The following SMYD3 variants were observed in gnomAD, a reference collection of about 807,000 sequenced individuals.
The protein encoded by SMYD3 is histone-lysine N-methyltransferase SMYD3.
In SMYD3, 36 loss-of-function variants were observed where a neutral mutation model predicts 57.7. The observed-to-expected ratio is 0.62, with a 90% confidence interval of 0.48 to 0.82. The LOEUF is 0.82. SMYD3 is among the 40% of genes least tolerant of loss of function. SMYD3 has a pLI of 0.00. For synonymous variants in SMYD3, 211 were observed against 195.0 expected, an observed-to-expected ratio of 1.08 and a Z score of -0.68; for missense variants, 515 against 538.8, an observed-to-expected ratio of 0.96 and a Z score of 0.44.
At chr1:245,987,538 T>C (rs1176202021) in intron 5 of SMYD3, among the ~76,000 whole-genome samples, 2 of 152,228 alleles carry the variant, frequency 1.3e-5, no homozygotes, top group African/African-American at 4.8e-5. Context: ...CACTGAAACT[T>C]TTCCATGTTC....
intron 5 of SMYD3, among the ~76,000 whole-genome samples, chr1:245,938,181 C>G (rs1234054777): frequency 6.6e-6 from 1 of 152,234 alleles, no homozygotes; most frequent in Non-Finnish European, 1.5e-5. Flanking sequence ...CCTGACATCT[C>G]AGGGAGTGAA....
chr1:246,187,629 T>C (rs1157518259), intron 5 of SMYD3, among the ~76,000 whole-genome samples: 1 of 152,220 alleles, frequency 6.6e-6, no homozygotes, highest in East Asian at 1.9e-4. Context: ...ATTTCTTAAT[T>C]AAAATATTTC....
chr1:245,798,442 A>ACC (rs2047680969), intron 10 of SMYD3, among the ~76,000 whole-genome samples: 1 of 138,020 alleles, frequency 7.2e-6, no homozygotes. Flanking sequence ...ACATACACAC[A>ACC]CATAAAAATA....
intron 5 of SMYD3, among the ~76,000 whole-genome samples, chr1:246,284,467 A>T (rs1197024518): frequency 1.3e-5 from 2 of 150,486 alleles, no homozygotes; most frequent in African/African-American, 4.9e-5. Flanking sequence ...CCCAGACCAG[A>T]CTGCAGTGGC....
intron 10 of SMYD3, among the ~76,000 whole-genome samples, chr1:245,807,819 A>C (rs2048264759): frequency 6.6e-6 from 1 of 151,954 alleles, no homozygotes; most frequent in South Asian, 2.1e-4. Context: ...CAGGGAAAAA[A>C]AAAAAAAACA....
intron 10 of SMYD3, among the ~76,000 whole-genome samples, chr1:245,780,053 G>A (rs574473548): frequency 3.9e-5 from 6 of 152,162 alleles, no homozygotes; most frequent in Non-Finnish European, 8.8e-5. Context: ...GGAGAAATGA[G>A]AACCCTCATA....
intron 5 of SMYD3, among the ~76,000 whole-genome samples, chr1:246,325,584 C>T (rs2065336690): frequency 6.6e-6 from 1 of 151,996 alleles, no homozygotes; most frequent in Admixed American, 6.5e-5. Flanking sequence ...ACAGAATTTT[C>T]CCCCTATACA....
chr1:245,817,278 CA>C (rs1558380686), intron 10 of SMYD3, among the ~76,000 whole-genome samples: 2 of 142,668 alleles, frequency 1.4e-5, no homozygotes, highest in Admixed American at 7.1e-5. Flanking sequence ...CACCCCCCAG[CA>C]GGGGCACACT....
At chr1:246,194,408 A>G (rs2062796963) in intron 5 of SMYD3, among the ~76,000 whole-genome samples, 1 of 152,048 alleles carries the variant, frequency 6.6e-6, no homozygotes, top group African/African-American at 2.4e-5. Context: ...AGCTGGGACT[A>G]CGGGCATGTG....
At position 246,207,783 on chromosome 1, in the gene SMYD3, A is replaced by G. The variant is rs556327098; in HGVS notation, c.531+119418T>C. Among the ~76,000 whole-genome samples, 20 of 152,292 alleles carry G rather than the reference A, an allele frequency of 1.3e-4. 1 individual carries two copies. The highest frequency in any genetic ancestry group is 4.8e-4 in the African/African-American group (20 of 41,542). ...CCTGGTAGGGGAGAATTTGCTTAAG[A>G]AAGTTTTCTCATTTTAGATTTGCTT... On this transcript the variant is annotated intron_variant, in intron 5 of 11. Coordinates refer to ENST00000490107, the MANE Select transcript of SMYD3 (RefSeq NM_001167740.2).
intron 5 of SMYD3, among the ~76,000 whole-genome samples, chr1:246,055,457 A>G (rs2060136212): frequency 6.6e-6 from 1 of 152,156 alleles, no homozygotes; most frequent in African/African-American, 2.4e-5. Context: ...ACAAGAAAAA[A>G]TTTTAAAAAA....
chr1:245,972,803 G>C (rs1485148428), intron 5 of SMYD3, among the ~76,000 whole-genome samples: 1 of 152,208 alleles, frequency 6.6e-6, no homozygotes, highest in Non-Finnish European at 1.5e-5. Flanking sequence ...TCCGGGCCCT[G>C]AATAACAGCA....
At chr1:246,448,714 A>AAAAAT (rs2067587183) in intron 1 of SMYD3, among the ~76,000 whole-genome samples, 1 of 150,052 alleles carries the variant, frequency 6.7e-6, no homozygotes, top group Non-Finnish European at 1.5e-5. Context: ...TAAAAAAAAA[A>AAAAAT]AAAAAAAAAA....
chr1:246,168,538 G>A (rs577872638), intron 5 of SMYD3, among the ~76,000 whole-genome samples: 1 of 152,270 alleles, frequency 6.6e-6, no homozygotes, highest in South Asian at 2.1e-4. Flanking sequence ...ACTCCACAGG[G>A]ACCAAATCTC....
chr1:246,367,250 A>C (rs2066120624), intron 1 of SMYD3, among the ~76,000 whole-genome samples: 1 of 152,160 alleles, frequency 6.6e-6, no homozygotes, highest in African/African-American at 2.4e-5. Context: ...TCTAGTAGTA[A>C]GTATATTTGC....
intron 10 of SMYD3, among the ~76,000 whole-genome samples, chr1:245,817,307 G>A (rs535436007): frequency 2.8e-5 from 4 of 142,924 alleles, no homozygotes; most frequent in Admixed American, 7.1e-5. Flanking sequence ...CACATGGCAG[G>A]GTATTCCAAC....
intron 2 of SMYD3, among the ~76,000 whole-genome samples, chr1:246,337,642 G>C (rs1382201541): frequency 6.6e-6 from 1 of 152,110 alleles, no homozygotes; most frequent in Non-Finnish European, 1.5e-5. Context: ...AAGTACCTTA[G>C]GCTCTGTTCA....
At chr1:246,067,572 T>C (rs1416521278) in intron 5 of SMYD3, among the ~76,000 whole-genome samples, 2 of 152,046 alleles carry the variant, frequency 1.3e-5, no homozygotes, top group Admixed American at 6.6e-5. Context: ...TGCCTCCTGG[T>C]ACAAATAATA....
chr1:246,102,780 T>C (rs1292478659), intron 5 of SMYD3, among the ~76,000 whole-genome samples: 1 of 151,798 alleles, frequency 6.6e-6, no homozygotes, highest in African/African-American at 2.4e-5. Flanking sequence ...TAATCCTACC[T>C]ACTCCGGAGG....
Sources: allele counts gnomAD v4.1 joint callset (sites outside exome capture counted in the v4.1 genomes callset), GRCh38; gene constraint gnomAD v4.1.1; transcripts MANE v1.5; gene names NCBI Gene and HGNC (gene_info 2026-07-23, HGNC 2026-07-21).